MYO9B: variants seen among roughly 807,000 people sequenced by gnomAD.
The protein encoded by MYO9B is myosin IXB.
MYO9B carries 71 observed loss-of-function variants against 229.5 expected under a neutral mutation model. That is an observed-to-expected ratio of 0.31 (90% confidence interval 0.26 to 0.38). The LOEUF is 0.38. Among genes scored for constraint, MYO9B ranks in the 10% least tolerant of loss-of-function variants. The probability of loss-of-function intolerance (pLI) is 1.00; values close to 1 mark genes in which losing one functional copy is unlikely to be tolerated. For synonymous variants in MYO9B, 1,185 were observed against 1,235.8 expected (o/e 0.96, Z 0.86); for missense variants, 2,255 against 2,920.5 (o/e 0.77, Z 5.25).
intron 2 of MYO9B, among the ~76,000 whole-genome samples, chr19:17,126,953 G>T (rs1323880094): frequency 2.8e-5 from 3 of 107,700 alleles, no homozygotes; most frequent in African/African-American, 7.4e-5. Context: ...CAAAGTGCTG[G>T]AATTACAGGC....
Position 17,102,335 on chromosome 19 carries a change from G to T in MYO9B, c.618G>T (p.Gln206His). Residue 206 changes from glutamine to histidine, a missense_variant, in exon 2 of 40, where the codon CAG (glutamine) becomes CAT (histidine). Coordinates refer to ENST00000682292, the MANE Select transcript of MYO9B (RefSeq NM_004145.4). The stretch of plus-strand genomic sequence containing the variant: ...AGTACGTGAAGATGTATGAGAACCA[G>T]CAGCTGGGCAAGCTGGAGCCACACG... ...NPKYVKMYENQQLGKLEPHVF... is the reference protein window; with the variant it reads ...NPKYVKMYENHQLGKLEPHVF... The T allele has an allele frequency of 1.9e-6, 3 of 1,614,048 alleles. No homozygotes were observed. Among genetic ancestry groups the T allele is most frequent in the Non-Finnish European group, 2.5e-6 (3 of 1,179,906 alleles).
intron 2 of MYO9B, among the ~76,000 whole-genome samples, chr19:17,138,873 T>C (rs972811792): frequency 2.0e-5 from 3 of 152,270 alleles, no homozygotes; most frequent in East Asian, 3.9e-4. Context: ...GCTATACCTA[T>C]ACAAATAGAT....
At position 17,212,293 on chromosome 19, in the gene MYO9B, G is replaced by C; in HGVS notation, c.6457G>C (p.Gly2153Arg). 6.6e-7 allele frequency: 1 copy of C among 1,516,986 alleles called. No homozygotes were observed. The highest frequency in any genetic ancestry group is 8.8e-7 in the Non-Finnish European group (1 of 1,140,984). 94.0% of individuals were successfully genotyped at this position (1,516,986 alleles called of 1,614,324 possible). The change falls in exon 40 of 40, where the codon GGC (glycine) becomes CGC (arginine). Residue 2153 changes from glycine (G) to arginine (R), a missense_variant. Around this residue, in one of 7 missense-constraint regions of MYO9B, gnomAD observed 331 missense variants for 332.5 expected, o/e 1.00. Transcript: ENST00000682292. This position sits in a 1 kb window ranked among gnomAD's most constrained non-coding sequence, Gnocchi z 5.4. ...AACGTACTGCCTGCCCCCCGCCTCG[G>C]GCCAGACCAATGGCTGAGAGCCACA... The part of the protein sequence containing the change: ...PPTYCLPPAS[G>R]QTNG
Position 17,187,937 on chromosome 19 carries a change from A to G in MYO9B, c.2580A>G (p.Lys860=). ...IRCIRSNAEK[K]ELCFDDELVL... ...GATGTCTCGCATTCCCATTTCAGAA[A>G]GAGCTGTGCTTTGACGACGAGCTGG... is the stretch of plus-strand genomic sequence containing the variant. The change falls in exon 19 of 40, where the codon AAA becomes AAG. Residue 860 remains lysine (K), a splice_region_variant and synonymous_variant. Coordinates refer to ENST00000682292, the MANE Select transcript of MYO9B (RefSeq NM_004145.4). 6.3e-7 allele frequency: 1 copy of G among 1,581,464 alleles called. No individual in the cohort carries two copies. The highest frequency in any genetic ancestry group is 8.6e-7 in the Non-Finnish European group (1 of 1,163,676).
intron 24 of MYO9B, 30 bp from the exon 25 acceptor site, chr19:17,200,263 T>A (rs1379736408): frequency 1.3e-6 from 2 of 1,595,790 alleles, no homozygotes; most frequent in Non-Finnish European, 1.7e-6. Flanking sequence ...CATTTCAGAC[T>A]TAAAAGAAGC....
chr19:17,175,621 AG>A (rs1345535909), intron 13 of MYO9B, 41 bp from the exon 14 acceptor site: 2 of 1,436,392 alleles, frequency 1.4e-6, no homozygotes, highest in Non-Finnish European at 1.9e-6. Flanking sequence ...CAGCCTCCAT[AG>A]GAGGCCATCC....
rs139126668 is a variant in MYO9B at position 17,133,088 on chromosome 19, C to A, written c.841-12309C>A. On this transcript the variant is annotated intron_variant, in intron 2 of 39. Transcript: ENST00000682292. ...GTCTCGATGTCCTGACCTTGTGATC[C>A]GCCTGTCTCAGCCTCCCAAAGTGCT... is the stretch of plus-strand genomic sequence containing the variant. 5.3e-3 allele frequency among the ~76,000 whole-genome samples: 809 copies of A among 152,136 alleles called. 4 individuals are homozygous for A. Among genetic ancestry groups the A allele is most frequent in the Non-Finnish European group, 8.9e-3 (602 of 68,006 alleles).
At chr19:17,112,453 C>T (rs1216974703) in intron 2 of MYO9B, among the ~76,000 whole-genome samples, 3 of 152,206 alleles carry the variant, frequency 2.0e-5, no homozygotes, top group African/African-American at 7.2e-5. Context: ...GACGGGCCGG[C>T]TGGCGGGGGC....
intron 1 of MYO9B, among the ~76,000 whole-genome samples, chr19:17,084,947 C>T (rs914671568): frequency 6.6e-6 from 1 of 152,030 alleles, no homozygotes; most frequent in African/African-American, 2.4e-5. Flanking sequence ...TGCCAAGTGT[C>T]CCTGAGGACA....
At chr19:17,088,380 A>G (rs1337341277) in intron 1 of MYO9B, among the ~76,000 whole-genome samples, 8 of 152,250 alleles carry the variant, frequency 5.3e-5, no homozygotes, top group Non-Finnish European at 1.2e-4. Flanking sequence ...ACAAGGTCAC[A>G]TTCTGAGGTT....
Position 17,138,970 on chromosome 19 carries a change from A to G in MYO9B, c.841-6427A>G, listed in dbSNP as rs373931939. 5.3e-5 allele frequency among the ~76,000 whole-genome samples: 8 copies of G among 152,086 alleles called. No homozygotes were observed. In the East Asian group the frequency reaches 1.4e-3, roughly 26 times the overall value. On this transcript the variant is annotated intron_variant, in intron 2 of 39. Transcript: ENST00000682292. ...GTGGATCATCTGAGGTCAGGAGTTC[A>G]AGACCAGCCTGGCCCCGAACTCTGG...
intron 3 of MYO9B, among the ~76,000 whole-genome samples, chr19:17,146,201 G>C (rs535086341): frequency 2.8e-4 from 42 of 148,848 alleles, no homozygotes; most frequent in South Asian, 1.7e-3. Context: ...ATGGATGGAT[G>C]GATGGATGGA....
chr19:17,209,151 C>T (rs933394145), intron 35 of MYO9B, among the ~76,000 whole-genome samples: 15 of 152,222 alleles, frequency 9.9e-5, no homozygotes, highest in Non-Finnish European at 1.9e-4. Flanking sequence ...CCCTCTGACA[C>T]TGACCACTCC....
intron 14 of MYO9B, among the ~76,000 whole-genome samples, chr19:17,180,227 C>T (rs1040192967): frequency 2.4e-5 from 2 of 83,386 alleles, no homozygotes; most frequent in East Asian, 5.3e-4. Flanking sequence ...AGTGAGACTC[C>T]GTCTCAATAA....
rs2057744250 is a variant in MYO9B at position 17,101,533 on chromosome 19, G to A, written c.-58-127G>A. On this transcript the variant is annotated intron_variant, in intron 1 of 39. Coordinates refer to ENST00000682292, the MANE Select transcript of MYO9B (RefSeq NM_004145.4). This position sits in a 1 kb window ranked among gnomAD's most constrained non-coding sequence, Gnocchi z 4.7. The stretch of plus-strand genomic sequence containing the variant: ...TGACTGGTTGCCTCTGGCTTTTTGG[G>A]CGAGCCTAGTCGGGTGGGGAACTCC... 3 of 954,754 alleles carry A rather than the reference G, an allele frequency of 3.1e-6. No homozygotes were observed. Among genetic ancestry groups the A allele is most frequent in the Middle Eastern group, 3.4e-4 (1 of 2,946 alleles). The allele number at this position is 954,754 out of a possible 1,614,324, so 59.1% of individuals were successfully genotyped here. A position where few individuals can be genotyped will look rare whatever the true frequency, so the allele number is the denominator to read the frequency against.
chr19:17,177,994 C>T (rs1196910657), intron 14 of MYO9B: 2 of 152,150 alleles, frequency 1.3e-5, no homozygotes, highest in African/African-American at 2.4e-5. Flanking sequence ...GAGGACTGGC[C>T]GTTCAGGGAA....
chr19:17,151,614 G>A (rs1185294909), intron 3 of MYO9B, among the ~76,000 whole-genome samples: 1 of 152,172 alleles, frequency 6.6e-6, no homozygotes, highest in African/African-American at 2.4e-5. Flanking sequence ...TCAGGGAAAT[G>A]CAAATCCAAA....
intron 2 of MYO9B, among the ~76,000 whole-genome samples, chr19:17,134,998 AAG>A (rs1186926937): frequency 6.6e-6 from 1 of 151,944 alleles, no homozygotes; most frequent in Non-Finnish European, 1.5e-5. Context: ...TCCTGACCTC[AAG>A]TGATCTGCCC....
intron 1 of MYO9B, among the ~76,000 whole-genome samples, chr19:17,076,892 G>T (rs1023103280): frequency 9.9e-5 from 15 of 152,142 alleles, no homozygotes; most frequent in Non-Finnish European, 1.6e-4. Context: ...CAGGAAATCT[G>T]TCCCCCGGTT....
Sources: allele counts gnomAD v4.1 joint callset (sites outside exome capture counted in the v4.1 genomes callset), GRCh38; gene constraint gnomAD v4.1.1; regional missense constraint gnomAD v4.1.1; non-coding constraint Gnocchi (gnomAD v3.1); transcripts MANE v1.5; gene names NCBI Gene and HGNC (gene_info 2026-07-23, HGNC 2026-07-21).